TYR: variants seen among roughly 807,000 people sequenced by gnomAD.
TYR encodes the protein tyrosinase.
In TYR, 58 loss-of-function variants were observed where a neutral mutation model predicts 51.5. The ratio of observed to expected loss-of-function variants is 1.13; its 90% CI spans 0.91 to 1.40. The LOEUF is 1.40. Among genes scored for constraint, TYR ranks in the 40% most tolerant of loss-of-function variants. The pLI is 0.00. For synonymous variants in TYR, 263 were observed against 235.2 expected (o/e 1.12, Z -1.08); for missense variants, 732 against 647.4 (o/e 1.13, Z -1.42).
At chr11:89,288,508 A>G (rs534320443) in intron 4 of TYR, among the ~76,000 whole-genome samples, 39 of 152,036 alleles carry the variant, frequency 2.6e-4, no homozygotes, top group Non-Finnish European at 4.4e-4. Flanking sequence ...AAGAGGCTCA[A>G]TGAGTCATAT....
intron 2 of TYR, among the ~76,000 whole-genome samples, chr11:89,216,600 C>T (rs2135273381): frequency 7.0e-6 from 1 of 143,694 alleles, no homozygotes; most frequent in African/African-American, 2.7e-5. Context: ...TCGCAGTGAG[C>T]CGAGATCGCA....
intron 3 of TYR, among the ~76,000 whole-genome samples, chr11:89,229,948 C>T (rs1315958733): frequency 1.3e-5 from 2 of 151,854 alleles, no homozygotes. Context: ...AAATTAATGT[C>T]GTTAAAATTA....
At chr11:89,196,981 G>A (rs1013618065) in intron 2 of TYR, among the ~76,000 whole-genome samples, 9 of 152,258 alleles carry the variant, frequency 5.9e-5, no homozygotes, top group Admixed American at 5.9e-4. Flanking sequence ...GAAACTCCAC[G>A]TAAATACATA....
At chr11:89,215,349 G>A (rs1004241293) in intron 2 of TYR, among the ~76,000 whole-genome samples, 14 of 148,812 alleles carry the variant, frequency 9.4e-5, no homozygotes, top group South Asian at 2.2e-4. Flanking sequence ...CATGGACACA[G>A]GATGGGGAAC....
At chr11:89,209,062 A>T (rs1391186571) in intron 2 of TYR, among the ~76,000 whole-genome samples, 1 of 152,136 alleles carries the variant, frequency 6.6e-6, no homozygotes, top group African/African-American at 2.4e-5. Context: ...CAACTGAGGT[A>T]TCTGATTCAT....
chr11:89,229,786 C>T (rs12795171), intron 3 of TYR, among the ~76,000 whole-genome samples: 25,460 of 151,776 alleles, frequency 0.17, 2,640 homozygotes, highest in African/African-American at 0.29. Flanking sequence ...AGAAAACAAC[C>T]CCATGTACGA....
In TYR at chr11:89,177,949, G is replaced by C; in HGVS notation, c.-5G>C. Reference sequence around the variant, plus strand: ...CCTGCAGACCTTGTGAGGACTAGAGGAAGAATGCTCCTGGCTGTTTTGTAC... The same window carrying C: ...CCTGCAGACCTTGTGAGGACTAGAGCAAGAATGCTCCTGGCTGTTTTGTAC... On this transcript the variant is annotated 5_prime_UTR_variant, in exon 1 of 5. Transcript: ENST00000263321. 2 of 1,613,908 alleles carry C rather than the reference G, an allele frequency of 1.2e-6. No homozygotes were observed. The highest frequency in any genetic ancestry group is 1.7e-6 in the Non-Finnish European group (2 of 1,180,012).
At chr11:89,279,829 T>C (rs1944699990) in intron 3 of TYR, among the ~76,000 whole-genome samples, 1 of 151,732 alleles carries the variant, frequency 6.6e-6, no homozygotes, top group Non-Finnish European at 1.5e-5. Flanking sequence ...CTGCACTCTT[T>C]GAAAAGAAGT....
intron 2 of TYR, among the ~76,000 whole-genome samples, chr11:89,224,707 C>T (rs937367465): frequency 6.6e-6 from 1 of 152,158 alleles, no homozygotes; most frequent in Admixed American, 6.5e-5. Flanking sequence ...AATTCATTCT[C>T]AATACAGTCT....
chr11:89,266,154 C>T (rs1028991913), intron 3 of TYR, among the ~76,000 whole-genome samples: 1 of 151,902 alleles, frequency 6.6e-6, no homozygotes, highest in African/African-American at 2.4e-5. Context: ...ACATTATCTT[C>T]TTTGTTCATT....
At chr11:89,236,823 C>G (rs1260153893) in intron 3 of TYR, among the ~76,000 whole-genome samples, 2 of 152,164 alleles carry the variant, frequency 1.3e-5, no homozygotes, top group Non-Finnish European at 2.9e-5. Context: ...CTTGACCTAT[C>G]TAGTTTGTAC....
At chr11:89,258,956 C>G (rs1465933935) in intron 3 of TYR, among the ~76,000 whole-genome samples, 6 of 152,062 alleles carry the variant, frequency 3.9e-5, no homozygotes, top group Non-Finnish European at 8.8e-5. Flanking sequence ...TTTTCTAAGT[C>G]ATACCTACCG....
chr11:89,221,987 CA>C (rs1440211922), intron 2 of TYR, among the ~76,000 whole-genome samples: 1 of 152,212 alleles, frequency 6.6e-6, no homozygotes, highest in Non-Finnish European at 1.5e-5. Context: ...ATTTATGTGC[CA>C]ATGCCTAGCC....
At chr11:89,239,076 C>T (rs924320467) in intron 3 of TYR, among the ~76,000 whole-genome samples, 3 of 152,110 alleles carry the variant, frequency 2.0e-5, no homozygotes, top group African/African-American at 7.2e-5. Context: ...GCTTTGGTAT[C>T]AAGGTAAAGC....
At chr11:89,199,513 G>T (rs951787720) in intron 2 of TYR, among the ~76,000 whole-genome samples, 6 of 152,270 alleles carry the variant, frequency 3.9e-5, no homozygotes, top group Admixed American at 2.6e-4. Context: ...CCAGATTAGT[G>T]CAGAGTCCTT....
At chr11:89,208,855 A>G (rs183576060) in intron 2 of TYR, among the ~76,000 whole-genome samples, 171 of 152,314 alleles carry the variant, frequency 1.1e-3, no homozygotes, top group African/African-American at 3.9e-3. Context: ...ATAAAGAAAG[A>G]TTTTCCATAT....
At chr11:89,217,508 T>A (rs890707419) in intron 2 of TYR, among the ~76,000 whole-genome samples, 5 of 152,210 alleles carry the variant, frequency 3.3e-5, no homozygotes, top group Non-Finnish European at 4.4e-5. Context: ...AGCCTTGAAG[T>A]GGCCCACATA....
chr11:89,277,029 A>G (rs1429423650), intron 3 of TYR, among the ~76,000 whole-genome samples: 3 of 151,726 alleles, frequency 2.0e-5, no homozygotes, highest in African/African-American at 7.3e-5. Flanking sequence ...ATCCTTAACT[A>G]TTGTTACTTG....
chr11:89,274,882 G>T (rs1440068136), intron 3 of TYR, among the ~76,000 whole-genome samples: 4 of 151,704 alleles, frequency 2.6e-5, no homozygotes, highest in Non-Finnish European at 5.9e-5. Context: ...TGTTGTCAAT[G>T]TGAGCTGTTT....
Sources: allele counts gnomAD v4.1 joint callset (sites outside exome capture counted in the v4.1 genomes callset), GRCh38; gene constraint gnomAD v4.1.1; transcripts MANE v1.5; gene names NCBI Gene and HGNC (gene_info 2026-07-23, HGNC 2026-07-21).